PMEPA1: variants seen among roughly 807,000 people sequenced by gnomAD.
The protein encoded by PMEPA1 is protein TMEPAI.
A neutral mutation model predicts 23.0 loss-of-function variants in PMEPA1; 11 were observed. The observed-to-expected ratio is 0.48, with a 90% CI of 0.30 to 0.79. The LOEUF (loss-of-function observed/expected upper bound fraction) is 0.79, where lower values mean the gene tolerates loss of function less well. Ranked by LOEUF, PMEPA1 falls within the 30% of genes least tolerant of loss-of-function variation. The pLI, the probability that PMEPA1 is intolerant of heterozygous loss-of-function variation, is 0.06. For synonymous variants in PMEPA1, 204 were observed against 166.4 expected, an observed-to-expected ratio of 1.23 and a Z score of -1.74; for missense variants, 377 against 390.9, an observed-to-expected ratio of 0.96 and a Z score of 0.30.
chr20:57,673,794 G>A (rs2146670308), intron 1 of PMEPA1, among the ~76,000 whole-genome samples: 1 of 152,306 alleles, frequency 6.6e-6, no homozygotes, highest in East Asian at 1.9e-4. Context: ...CAGTACAGAG[G>A]CTCACGGTGT....
intron 1 of PMEPA1, among the ~76,000 whole-genome samples, chr20:57,706,424 T>G (rs1318151437): frequency 6.6e-6 from 1 of 152,210 alleles, no homozygotes; most frequent in Non-Finnish European, 1.5e-5. Flanking sequence ...AGGCTGTCAC[T>G]CGTGCTGCCT....
intron 1 of PMEPA1, among the ~76,000 whole-genome samples, chr20:57,688,663 C>T (rs1341446547): frequency 6.6e-6 from 1 of 152,208 alleles, no homozygotes; most frequent in Non-Finnish European, 1.5e-5. Context: ...CCTAAGGAAT[C>T]ACGGCAAATG....
rs1336812409 is a variant in PMEPA1 at position 57,700,438 on chromosome 20, TTTC to T, written c.109+9033_109+9035del. 3.9e-5 allele frequency among the ~76,000 whole-genome samples: 6 copies of T among 152,342 alleles called. No homozygotes were observed. The South Asian group carries it at 8.3e-4, about 21-fold the overall frequency. On this transcript the variant is annotated intron_variant, in intron 1 of 3. Transcript: ENST00000341744. Reference sequence around the variant, plus strand: ...AGTGGGGGCAAATGATATAGGACAGTTTCTTAAGACTTAAAAGGCAAAGTGGCA... The same window carrying T: ...AGTGGGGGCAAATGATATAGGACAGTTTAAGACTTAAAAGGCAAAGTGGCA...
chr20:57,689,240 T>C (rs1454403993), intron 1 of PMEPA1, among the ~76,000 whole-genome samples: 2 of 152,182 alleles, frequency 1.3e-5, no homozygotes, highest in Non-Finnish European at 2.9e-5. Flanking sequence ...CCTCACCCAC[T>C]ACCCACCCCC....
intron 1 of PMEPA1, among the ~76,000 whole-genome samples, chr20:57,664,714 G>A (rs1196361323): frequency 2.0e-5 from 3 of 152,176 alleles, no homozygotes; most frequent in Non-Finnish European, 2.9e-5. Flanking sequence ...AAGGCCCAGC[G>A]CGGCCGCATC....
At position 57,672,260 on chromosome 20, in the gene PMEPA1, G is replaced by A. The variant is rs2071579151; in HGVS notation, c.110-12563C>T. On this transcript the variant is annotated intron_variant, in intron 1 of 3. Coordinates refer to ENST00000341744, the MANE Select transcript of PMEPA1 (RefSeq NM_020182.5). Reference sequence around the variant, plus strand: ...TTCCAACCGGCCGACAGTGACGCACGTATGCCCTCGCCACTCGGCAAGCAC... The same window carrying A: ...TTCCAACCGGCCGACAGTGACGCACATATGCCCTCGCCACTCGGCAAGCAC... 2.0e-5 allele frequency among the ~76,000 whole-genome samples: 3 copies of A among 152,258 alleles called. No individual in the cohort carries two copies. The South Asian group carries it at 6.2e-4, about 31-fold the overall frequency.
At chr20:57,710,186 C>A (rs576967064), upstream of PMEPA1, 17 of 508,774 alleles carry the variant, frequency 3.3e-5, no homozygotes, top group Admixed American at 7.3e-4. Flanking sequence ...CCCACGTAGA[C>A]CCGGCACCCG....
rs2071175284 is a variant in PMEPA1 at position 57,648,450 on chromosome 20, T to A, written c.*3603A>T. 1 of 152,674 alleles carries A rather than the reference T, an allele frequency of 6.5e-6. No homozygotes were observed. Among genetic ancestry groups the A allele is most frequent in the African/African-American group, 2.4e-5 (1 of 41,470 alleles). 9.5% of individuals were successfully genotyped at this position (152,674 alleles called of 1,614,324 possible). On this transcript the variant is annotated 3_prime_UTR_variant, in exon 4 of 4. Coordinates refer to ENST00000341744, the MANE Select transcript of PMEPA1 (RefSeq NM_020182.5). ...AGTATTGCAGCTTTTCAGAATGTCA[T>A]CATTGCCACTAATGATTACTGATAC...
chr20:57,710,309 G>A, upstream of PMEPA1: 2 of 774,332 alleles, frequency 2.6e-6, no homozygotes, highest in Non-Finnish European at 3.8e-6. Context: ...GCACCCGGGC[G>A]GGTTGCTGGT....
upstream of PMEPA1, chr20:57,710,709 C>T (rs1282190257): frequency 2.2e-5 from 10 of 460,670 alleles, no homozygotes; most frequent in African/African-American, 4.0e-5. Context: ...AAGGGGCCTC[C>T]GGCTGGGGGG....
At chr20:57,692,824 A>G (rs1174432651) in intron 1 of PMEPA1, among the ~76,000 whole-genome samples, 1 of 152,250 alleles carries the variant, frequency 6.6e-6, no homozygotes, top group Admixed American at 6.5e-5. Context: ...TCTACAGGAC[A>G]GCACTCAGCA....
intron 1 of PMEPA1, among the ~76,000 whole-genome samples, chr20:57,693,515 G>T (rs1371996077): frequency 6.6e-6 from 1 of 152,248 alleles, no homozygotes; most frequent in Non-Finnish European, 1.5e-5. Flanking sequence ...GCAGACGGTG[G>T]CGGCCAGCAG....
chr20:57,710,672 C>A (rs2072168489), upstream of PMEPA1: 2 of 520,996 alleles, frequency 3.8e-6, no homozygotes, highest in African/African-American at 2.0e-5. Context: ...GGACCTGGGG[C>A]GAATCCACAC....
intron 3 of PMEPA1, 32 bp downstream of exon 3, chr20:57,653,001 G>A: frequency 6.4e-7 from 1 of 1,567,998 alleles, no homozygotes; most frequent in Non-Finnish European, 8.7e-7. Flanking sequence ...GTGGGATGGG[G>A]GTGTTGGAGG....
chr20:57,693,410 T>C (rs372465156), intron 1 of PMEPA1, among the ~76,000 whole-genome samples: 1 of 152,236 alleles, frequency 6.6e-6, no homozygotes. Flanking sequence ...TCCAGGAAGG[T>C]CTGCCAAACC....
At chr20:57,694,456 T>A (rs924926220) in intron 1 of PMEPA1, among the ~76,000 whole-genome samples, 5 of 152,254 alleles carry the variant, frequency 3.3e-5, no homozygotes, top group African/African-American at 1.2e-4. Flanking sequence ...AGTACGGAAC[T>A]ATTAAATTTT....
upstream of PMEPA1, chr20:57,710,533 C>T (rs1012454366): frequency 1.2e-5 from 18 of 1,540,206 alleles, no homozygotes; most frequent in Non-Finnish European, 1.6e-5. Flanking sequence ...CCACTGAACC[C>T]CCAAGCGCTT....
chr20:57,678,687 C>G (rs545678998), intron 1 of PMEPA1, among the ~76,000 whole-genome samples: 2 of 152,158 alleles, frequency 1.3e-5, no homozygotes, highest in Non-Finnish European at 2.9e-5. Flanking sequence ...ATTCTAAACA[C>G]GTCATTTAAA....
At chr20:57,668,207 G>A (rs2071520558) in intron 1 of PMEPA1, among the ~76,000 whole-genome samples, 1 of 152,286 alleles carries the variant, frequency 6.6e-6, no homozygotes, top group South Asian at 2.1e-4. Context: ...AGCCAGGGTG[G>A]GGACTGGGGC....
Sources: allele counts gnomAD v4.1 joint callset (sites outside exome capture counted in the v4.1 genomes callset), GRCh38; gene constraint gnomAD v4.1.1; transcripts MANE v1.5; gene names NCBI Gene and HGNC (gene_info 2026-07-23, HGNC 2026-07-21).